NRXN3: variants seen among roughly 807,000 people sequenced by gnomAD.
NRXN3 encodes the protein neurexin 3, also known as neurexin III.
Under a neutral mutation model 137.6 loss-of-function variants are expected in NRXN3, and 32 were observed. The observed-to-expected ratio is 0.23, with a 90% CI of 0.18 to 0.31. The LOEUF (loss-of-function observed/expected upper bound fraction) is 0.31. Ranked by LOEUF, NRXN3 falls within the 10% of genes least tolerant of loss-of-function variation. NRXN3 has a pLI of 1.00. For synonymous variants in NRXN3, 798 were observed against 784.5 expected, an observed-to-expected ratio of 1.02 and a Z score of -0.29; for missense variants, 1,574 against 2,062.5, an observed-to-expected ratio of 0.76 and a Z score of 4.59.
chr14:78,346,344 C>G (rs1303925670), intron 4 of NRXN3, among the ~76,000 whole-genome samples: 1 of 137,882 alleles, frequency 7.3e-6, no homozygotes, highest in Non-Finnish European at 1.5e-5. Context: ...TACCTGGGGC[C>G]TGGTCTCCTC....
chr14:78,967,184 G>GTTTTTTTTTTTTTTTTT, intron 12 of NRXN3, 24 bp from the exon 13 acceptor site: 7 of 1,421,226 alleles, frequency 4.9e-6, no homozygotes, highest in Admixed American at 2.1e-5. Flanking sequence ...TCCAATTATT[G>GTTTTTTTTTTTTTTTTT]TTTTTTTTTT....
chr14:79,449,788 G>A (rs1217928124), intron 15 of NRXN3, among the ~76,000 whole-genome samples: 1 of 151,998 alleles, frequency 6.6e-6, no homozygotes, highest in Non-Finnish European at 1.5e-5. Flanking sequence ...TCAGGAGTTT[G>A]AGACCAGCCT....
intron 15 of NRXN3, among the ~76,000 whole-genome samples, chr14:79,157,764 T>C (rs1196075908): frequency 2.6e-5 from 4 of 151,812 alleles, no homozygotes; most frequent in Non-Finnish European, 5.9e-5. Context: ...CTCTAGGTAC[T>C]TTGTTGGGAA....
chr14:78,461,191 A>G lies in NRXN3; in HGVS notation c.757+163331A>G, dbSNP rs541619337. Among the ~76,000 whole-genome samples the G allele has an allele frequency of 2.0e-5, 3 of 152,370 alleles. No individual in the cohort carries two copies. In the East Asian group the frequency reaches 5.8e-4, roughly 29 times the overall value. On this transcript the variant is annotated intron_variant, in intron 4 of 20. Transcript: ENST00000335750. ...GTCTTATGTGTGTGCATGTGTTCGC[A>G]TGCAACTGTGTGAGATGCTTTGTTA... is the stretch of plus-strand genomic sequence containing the variant.
At position 79,652,929 on chromosome 14, in the gene NRXN3, A is replaced by T. The variant is rs766387433; in HGVS notation, c.3445-10849A>T. ...GGGTAAGTAAGGACCCACCTTTTGAATTAGAATTACTGATCTTATCCAAGA... is the reference window on the plus strand; with the variant it reads ...GGGTAAGTAAGGACCCACCTTTTGATTTAGAATTACTGATCTTATCCAAGA... On this transcript the variant is annotated intron_variant, in intron 16 of 20. Transcript: ENST00000335750. 3.2e-4 allele frequency among the ~76,000 whole-genome samples: 49 copies of T among 152,098 alleles called. No individual in the cohort carries two copies. The Middle Eastern group carries it at 0.01, about 32-fold the overall frequency.
intron 15 of NRXN3, among the ~76,000 whole-genome samples, chr14:79,255,481 T>C (rs1450638748): frequency 1.3e-5 from 2 of 152,240 alleles, no homozygotes; most frequent in Non-Finnish European, 2.9e-5. Context: ...CTGTGTGACC[T>C]TGGGCAAGAT....
chr14:79,736,527 G>A (rs1284097991), intron 19 of NRXN3, among the ~76,000 whole-genome samples: 1 of 152,136 alleles, frequency 6.6e-6, no homozygotes, highest in Non-Finnish European at 1.5e-5. Flanking sequence ...ATCATGTTAT[G>A]TGTAGATGTG....
chr14:78,392,212 C>T (rs1423206014), intron 4 of NRXN3, among the ~76,000 whole-genome samples: 6 of 152,184 alleles, frequency 3.9e-5, no homozygotes, highest in Non-Finnish European at 8.8e-5. Context: ...AGATATGCAA[C>T]AGAGATGGCC....
At chr14:78,296,486 C>G (rs1248270867) in intron 3 of NRXN3, among the ~76,000 whole-genome samples, 1 of 152,132 alleles carries the variant, frequency 6.6e-6, no homozygotes, top group Non-Finnish European at 1.5e-5. Flanking sequence ...GGCCTTTTCT[C>G]CTCTCTTCTT....
intron 15 of NRXN3, among the ~76,000 whole-genome samples, chr14:79,329,542 G>A (rs8004460): frequency 0.015 from 2,312 of 152,166 alleles, 65 homozygotes; most frequent in African/African-American, 0.052. Flanking sequence ...CATGAAGTGC[G>A]GCTATAAATG....
At chr14:79,514,307 C>G (rs139060044) in intron 16 of NRXN3, among the ~76,000 whole-genome samples, 5 of 151,460 alleles carry the variant, frequency 3.3e-5, no homozygotes, top group Admixed American at 6.6e-5. Context: ...GAGTTCAGTA[C>G]TGGCCTAAAA....
intron 4 of NRXN3, among the ~76,000 whole-genome samples, chr14:78,360,382 T>C (rs2084941099): frequency 6.6e-6 from 1 of 152,230 alleles, no homozygotes; most frequent in Admixed American, 6.5e-5. Context: ...ATTGAATAAA[T>C]TGCACCCTAG....
intron 15 of NRXN3, among the ~76,000 whole-genome samples, chr14:79,067,224 A>G (rs188283480): frequency 6.6e-6 from 1 of 152,256 alleles, no homozygotes; most frequent in African/African-American, 2.4e-5. Flanking sequence ...TGAGATAATC[A>G]TGTGATTTTT....
intron 4 of NRXN3, among the ~76,000 whole-genome samples, chr14:78,637,074 G>C (rs1452232609): frequency 6.6e-6 from 1 of 151,906 alleles, no homozygotes; most frequent in South Asian, 2.1e-4. Flanking sequence ...TGGACCCCTG[G>C]TACAATACAA....
At chr14:79,736,004 C>T (rs950228867) in intron 19 of NRXN3, among the ~76,000 whole-genome samples, 2 of 152,088 alleles carry the variant, frequency 1.3e-5, no homozygotes, top group African/African-American at 4.8e-5. Context: ...GTGGCTTGTA[C>T]CAATGGATTT....
At chr14:79,163,998 C>T (rs2061050136) in intron 15 of NRXN3, among the ~76,000 whole-genome samples, 1 of 151,980 alleles carries the variant, frequency 6.6e-6, no homozygotes, top group South Asian at 2.1e-4. Flanking sequence ...AAGTAATCCT[C>T]TTCAACCTAC....
intron 4 of NRXN3, among the ~76,000 whole-genome samples, chr14:78,593,811 G>T (rs990596110): frequency 1.3e-5 from 2 of 152,126 alleles, no homozygotes; most frequent in African/African-American, 4.8e-5. Context: ...AGTGACTTGG[G>T]CTTAGCTTCT....
At chr14:78,177,467 A>G (rs2059385514) in intron 1 of NRXN3, among the ~76,000 whole-genome samples, 1 of 152,132 alleles carries the variant, frequency 6.6e-6, no homozygotes, top group African/African-American at 2.4e-5. Flanking sequence ...CTTGAAGCAG[A>G]GCATGAATGC....
Position 79,301,143 on chromosome 14 carries a change from A to G in NRXN3, c.3263-166078A>G, listed in dbSNP as rs150029510. 2.9e-3 allele frequency among the ~76,000 whole-genome samples: 444 copies of G among 152,024 alleles called. 1 individual carries two copies. The highest frequency in any genetic ancestry group is 0.01 in the Middle Eastern group (3 of 294). On this transcript the variant is annotated intron_variant, in intron 15 of 20. Coordinates refer to ENST00000335750, the MANE Select transcript of NRXN3 (RefSeq NM_001330195.2). ...TTAATATGCTATATAGTTTTGTTGC[A>G]TTGTTTTACTCTGCTCATTCCTTTC...
Sources: allele counts gnomAD v4.1 joint callset (sites outside exome capture counted in the v4.1 genomes callset), GRCh38; gene constraint gnomAD v4.1.1; transcripts MANE v1.5; gene names NCBI Gene and HGNC (gene_info 2026-07-23, HGNC 2026-07-21).